Variants in CEP170B observed in about 807,000 individuals in gnomAD.
The protein encoded by CEP170B is centrosomal protein of 170 kDa protein B.
A neutral mutation model predicts 120.6 loss-of-function variants in CEP170B; 55 were observed. The observed-to-expected ratio is 0.46, with a 90% CI of 0.37 to 0.57. The LOEUF (loss-of-function observed/expected upper bound fraction) is 0.57. Among genes scored for constraint, CEP170B ranks in the 20% least tolerant of loss-of-function variants. The pLI is 0.00. For missense variants in CEP170B, 2,212 were observed against 2,253.3 expected (o/e 0.98, Z 0.37); for synonymous variants, 1,033 against 954.5 (o/e 1.08, Z -1.52).
chr14:104,877,836 A>ACCCC, intron 3 of CEP170B, 49 bp from the exon 4 acceptor site: 4 of 237,066 alleles, frequency 1.7e-5, no homozygotes, highest in South Asian at 4.5e-5. Flanking sequence ...GCCCACAGCC[A>ACCCC]CCCACCCGCG....
intron 2 of CEP170B, among the ~76,000 whole-genome samples, chr14:104,872,343 T>G (rs3001415): frequency 0.084 from 2,676 of 31,978 alleles, 300 homozygotes; most frequent in African/African-American, 0.15. Flanking sequence ...GGTGTGCGTG[T>G]GTGTGCGTGT....
rs928643864 is a variant in CEP170B, at chr14:104,887,658, C to T, written c.3419C>T (p.Ala1140Val). 31 of 1,566,300 alleles carry T rather than the reference C, an allele frequency of 2.0e-5. No individual in the cohort carries two copies. The highest frequency in any genetic ancestry group is 2.4e-5 in the Non-Finnish European group (28 of 1,158,282). The change falls in exon 12 of 19, where the codon GCG becomes GTG. Residue 1140 changes from alanine (A) to valine (V), a missense_variant. Physicochemically the swap from Ala to Val is moderately conservative, Grantham distance 64 (BLOSUM62 0). Coordinates refer to ENST00000414716, the MANE Select transcript of CEP170B (RefSeq NM_001112726.3). ...RLGDASDTEA[A>V]DGERGSLGNP... ...GGGGACGCTTCAGACACTGAGGCTG[C>T]GGATGGTGAGCGGGGGTCCCTGGGC...
intron 13 of CEP170B, 60 bp downstream of exon 13, chr14:104,889,818 A>G (rs2140733810): frequency 1.3e-6 from 2 of 1,542,754 alleles, no homozygotes; most frequent in Admixed American, 1.8e-5. Flanking sequence ...GAGTGAGAGC[A>G]CCCTGAGGGC....
chr14:104,888,086 C>A, intron 12 of CEP170B, 108 bp downstream of exon 12: 2 of 1,201,772 alleles, frequency 1.7e-6, no homozygotes, highest in Non-Finnish European at 2.2e-6. Flanking sequence ...GGTCCTGGCA[C>A]GAGAGGAGCC....
chr14:104,880,430 G>A lies in CEP170B; in HGVS notation c.472+5G>A, dbSNP rs1048406078. On this transcript the variant is annotated splice_donor_5th_base_variant and intron_variant, in intron 6 of 18. Coordinates refer to ENST00000414716, the MANE Select transcript of CEP170B (RefSeq NM_001112726.3). ...GGGACCGGAGACCAGGAACAGGTAG[G>A]CCCAGGCAGTGCGGATGGGGTGAGC... The A allele has an allele frequency of 1.2e-6, 2 of 1,611,318 alleles. No individual in the cohort carries two copies. The highest frequency in any genetic ancestry group is 8.5e-7 in the Non-Finnish European group (1 of 1,179,278).
rs1895620705 is a variant in CEP170B at position 104,872,482 on chromosome 14, T to TGGGTGTGCGTGTGG, written c.106-3773_106-3772insGGTGTGCGTGTGGG. Among the ~76,000 whole-genome samples the TGGGTGTGCGTGTGG allele has an allele frequency of 1.9e-5, 2 of 106,018 alleles. 1 individual carries two copies. Among genetic ancestry groups the TGGGTGTGCGTGTGG allele is most frequent in the Non-Finnish European group, 4.7e-5 (2 of 42,930 alleles). 69.6% of individuals were successfully genotyped at this position (106,018 alleles called of 152,430 possible). Reference sequence around the variant, plus strand: ...CGTGTGGGTGTGCCGTGTGTGTGCGTGTGTGCCGTGTGTGTGTGCGTGTGT... The same window carrying TGGGTGTGCGTGTGG: ...CGTGTGGGTGTGCCGTGTGTGTGCGTGGGTGTGCGTGTGGGTGTGCCGTGTGTGTGTGCGTGTGT... On this transcript the variant is annotated intron_variant, in intron 2 of 18. Coordinates refer to ENST00000414716, the MANE Select transcript of CEP170B (RefSeq NM_001112726.3).
In CEP170B at chr14:104,883,816, C is replaced by G; in HGVS notation, c.1052-15C>G. The stretch of plus-strand genomic sequence containing the variant: ...TCTCTCGGCCTGACAAGGTGGGGTC[C>G]CCTGTCTCCCCCAGGCCACAAGCAC... On this transcript the variant is annotated splice_polypyrimidine_tract_variant and intron_variant, in intron 8 of 18. Transcript: ENST00000414716. 1 of 1,521,502 alleles carries G rather than the reference C, an allele frequency of 6.6e-7. No individual in the cohort carries two copies. Among genetic ancestry groups the G allele is most frequent in the Non-Finnish European group, 8.8e-7 (1 of 1,132,718 alleles). 94.3% of individuals were successfully genotyped at this position (1,521,502 alleles called of 1,614,324 possible).
chr14:104,882,628 G>A, intron 6 of CEP170B, 100 bp from the exon 7 acceptor site: 6 of 920,224 alleles, frequency 6.5e-6, no homozygotes, highest in Admixed American at 5.1e-5. Context: ...GTGATGCCAG[G>A]GCCTGCCCCA....
At chr14:104,882,518 G>C (rs1222488186) in intron 6 of CEP170B, among the ~76,000 whole-genome samples, 1 of 151,992 alleles carries the variant, frequency 6.6e-6, no homozygotes, top group African/African-American at 2.4e-5. Flanking sequence ...GAGGAGGTGG[G>C]GCCAGGCAGG....
At chr14:104,885,248 C>T in intron 9 of CEP170B, 121 bp from the exon 10 acceptor site, 1 of 1,156,754 alleles carries the variant, frequency 8.6e-7, no homozygotes, top group Non-Finnish European at 1.2e-6. Flanking sequence ...TCCCGGCCAC[C>T]AGCCACTCTG....
intron 3 of CEP170B, among the ~76,000 whole-genome samples, chr14:104,876,728 C>T (rs947901304): frequency 1.6e-4 from 25 of 152,192 alleles, no homozygotes; most frequent in African/African-American, 5.5e-4. Flanking sequence ...GGAGAGTGGA[C>T]CCTGCAGATG....
intron 9 of CEP170B, among the ~76,000 whole-genome samples, chr14:104,885,055 G>A (rs1896400281): frequency 1.3e-5 from 2 of 148,204 alleles, no homozygotes; most frequent in Admixed American, 6.7e-5. Context: ...GGAACGGGGG[G>A]TGGAGGCGAT....
At position 104,895,368 on chromosome 14, in the gene CEP170B, C is replaced by T. The variant is rs1274147104; in HGVS notation, c.*410C>T. On this transcript the variant is annotated 3_prime_UTR_variant, in exon 19 of 19. Transcript: ENST00000414716. ...CCGCCAGGCACTAACCTGCCATAAC[C>T]CTTTGTGCTGGCCTGCGGCCAGGCA... 1 of 171,576 alleles carries T rather than the reference C, an allele frequency of 5.8e-6. No homozygotes were observed. Among genetic ancestry groups the T allele is most frequent in the Non-Finnish European group, 1.2e-5 (1 of 81,366 alleles). 10.6% of individuals were successfully genotyped at this position (171,576 alleles called of 1,614,324 possible). A position where few individuals can be genotyped will look rare whatever the true frequency, so the allele number is the denominator to read the frequency against.
intron 7 of CEP170B, 72 bp from the exon 8 acceptor site, chr14:104,882,963 T>C: frequency 6.9e-7 from 1 of 1,455,540 alleles, no homozygotes; most frequent in African/African-American, 1.4e-5. Context: ...GTGGAGTGGA[T>C]GGTCCTGGCT....
At chr14:104,888,943 A>T (rs1303750538) in intron 12 of CEP170B, among the ~76,000 whole-genome samples, 3 of 152,236 alleles carry the variant, frequency 2.0e-5, no homozygotes, top group African/African-American at 7.2e-5. Flanking sequence ...TGACCCAAGC[A>T]TGCGGCTCGC....
intron 13 of CEP170B, among the ~76,000 whole-genome samples, chr14:104,892,240 C>T (rs1028459626): frequency 1.3e-5 from 2 of 152,112 alleles, no homozygotes; most frequent in Non-Finnish European, 1.5e-5. Flanking sequence ...CGAGGCTGTG[C>T]GCTCCAGCAG....
At position 104,882,824 on chromosome 14, in the gene CEP170B, C is replaced by T. The variant is rs949872802; in HGVS notation, c.569C>T (p.Pro190Leu). ...CCTGACGCCCAGCGCCAGGGAGAGC[C>T]CTACCCAGGTTGGTCTTGGGGCCAG... ...TLPDAQRQGE[P>L]YPERPKGPVQ... The change falls in exon 7 of 19, where the codon CCC (proline) becomes CTC (leucine). Residue 190 changes from proline (P) to leucine (L), a missense_variant. By Grantham distance (98) the Pro-to-Leu change is moderately conservative (BLOSUM62 -3). Coordinates refer to ENST00000414716, the MANE Select transcript of CEP170B (RefSeq NM_001112726.3). 2.5e-6 allele frequency: 4 copies of T among 1,611,604 alleles called. No homozygotes were observed. Among genetic ancestry groups the T allele is most frequent in the South Asian group, 2.2e-5 (2 of 91,008 alleles).
Position 104,883,472 on chromosome 14 carries a change from A to G in CEP170B, c.1015A>G (p.Lys339Glu). 1 of 1,556,128 alleles carries G rather than the reference A, an allele frequency of 6.4e-7. No individual in the cohort carries two copies. The highest frequency in any genetic ancestry group is 1.7e-4 in the Middle Eastern group (1 of 5,934). Reference protein sequence around the residue: ...VGPGDDRHSTKSDLPVHTRTL... With the variant: ...VGPGDDRHSTESDLPVHTRTL... ...CCCTGGGGATGACCGCCACAGCACCAAGAGCGACCTGCCTGTCCACACCCG... is the reference window on the plus strand; with the variant it reads ...CCCTGGGGATGACCGCCACAGCACCGAGAGCGACCTGCCTGTCCACACCCG... Residue 339 changes from lysine to glutamate, a missense_variant, in exon 8 of 19, where the codon AAG becomes GAG. Lys to Glu is a moderately conservative substitution (Grantham distance 56). Coordinates refer to ENST00000414716, the MANE Select transcript of CEP170B (RefSeq NM_001112726.3).
chr14:104,876,512 C>G (rs933992926), intron 3 of CEP170B, among the ~76,000 whole-genome samples, 167 bp downstream of exon 3: 8 of 150,628 alleles, frequency 5.3e-5, no homozygotes, highest in African/African-American at 2.0e-4. Flanking sequence ...CCTTCTCAGC[C>G]CTGGCCCCTC....
Sources: gnomAD v4.1 joint callset for allele counts (sites outside exome capture counted in the v4.1 genomes callset) on GRCh38, gnomAD v4.1.1 for gene constraint, MANE v1.5 for transcripts, NCBI Gene and HGNC (gene_info 2026-07-23, HGNC 2026-07-21) for gene names.